The following RBFOX1 variants were observed in gnomAD, a reference collection of about 807,000 sequenced individuals.
RBFOX1 encodes the protein RNA binding protein fox-1 homolog 1.
In RBFOX1, 8 loss-of-function variants were observed where a neutral mutation model predicts 57.7. The observed-to-expected ratio is 0.14, with a 90% CI of 0.08 to 0.25. RBFOX1 has a LOEUF of 0.25. Ranked by LOEUF, RBFOX1 falls within the 10% of genes least tolerant of loss-of-function variation. The probability of loss-of-function intolerance (pLI) is 1.00; values close to 1 mark genes in which losing one functional copy is unlikely to be tolerated. For missense variants in RBFOX1, 611 were observed against 548.5 expected (o/e 1.11, Z -1.14); for synonymous variants, 326 against 222.4 (o/e 1.47, Z -4.15).
rs78283215 is a variant in RBFOX1, at chr16:7,071,229, A to G, written c.27+19131A>G. ...ATTATTCTAAAAGCTTTTATTGAGCATATACTACATACACCACTAGGAGAA... is the reference window on the plus strand; with the variant it reads ...ATTATTCTAAAAGCTTTTATTGAGCGTATACTACATACACCACTAGGAGAA... On this transcript the variant is annotated intron_variant, in intron 4 of 15. Transcript: ENST00000550418. Among the ~76,000 whole-genome samples the G allele has an allele frequency of 1.2e-4, 19 of 152,278 alleles. No individual in the cohort carries two copies. The East Asian group carries it at 3.7e-3, about 29-fold the overall frequency.
intron 4 of RBFOX1, among the ~76,000 whole-genome samples, chr16:7,124,439 T>C (rs1020271864): frequency 1.3e-5 from 2 of 151,910 alleles, no homozygotes; most frequent in Non-Finnish European, 2.9e-5. Flanking sequence ...GCTGATACAG[T>C]ATCTGTAATT....
chr16:6,316,676 C>G (rs1047415332), intron 1 of RBFOX1, among the ~76,000 whole-genome samples: 2 of 152,134 alleles, frequency 1.3e-5, no homozygotes, highest in African/African-American at 2.4e-5. Context: ...TTGGTGTTGA[C>G]TTGCCCGAGT....
intron 4 of RBFOX1, among the ~76,000 whole-genome samples, chr16:7,439,482 C>T (rs2098749019): frequency 6.6e-6 from 1 of 152,040 alleles, no homozygotes; most frequent in Non-Finnish European, 1.5e-5. Flanking sequence ...AATTTTTAAC[C>T]CAGAATTATC....
intron 3 of RBFOX1, among the ~76,000 whole-genome samples, chr16:7,039,080 C>T (rs1474653892): frequency 6.6e-6 from 1 of 152,078 alleles, no homozygotes; most frequent in Non-Finnish European, 1.5e-5. Context: ...GTTGTCCTGC[C>T]TGGGAGATAG....
chr16:6,000,677 G>T (rs555317093), intron 4 of RBFOX1, among the ~76,000 whole-genome samples: 106 of 151,942 alleles, frequency 7.0e-4, no homozygotes, highest in African/African-American at 2.4e-3. Context: ...AGATGAATGG[G>T]TGACTAGGTG....
intron 4 of RBFOX1, among the ~76,000 whole-genome samples, chr16:7,413,081 AAAAT>A (rs1384660022): frequency 3.3e-5 from 5 of 152,006 alleles, no homozygotes; most frequent in Non-Finnish European, 7.4e-5. Flanking sequence ...AATAAAATAA[AAAAT>A]AAAAAAATAA....
intron 2 of RBFOX1, among the ~76,000 whole-genome samples, chr16:5,477,235 T>C (rs2069359042): frequency 6.6e-6 from 1 of 152,124 alleles, no homozygotes; most frequent in African/African-American, 2.4e-5. Context: ...AGGCTGAAGA[T>C]ATTTTTGGTG....
At chr16:7,287,755 A>C (rs2095678782) in intron 4 of RBFOX1, among the ~76,000 whole-genome samples, 1 of 152,220 alleles carries the variant, frequency 6.6e-6, no homozygotes, top group African/African-American at 2.4e-5. Flanking sequence ...TTAGATTTAG[A>C]AAGAGATAAA....
At chr16:7,080,803 A>G (rs2059074219) in intron 4 of RBFOX1, among the ~76,000 whole-genome samples, 1 of 152,124 alleles carries the variant, frequency 6.6e-6, no homozygotes, top group Non-Finnish European at 1.5e-5. Context: ...GACCACAACA[A>G]ACTCTTGACT....
chr16:6,638,075 C>T (rs1417991183), intron 2 of RBFOX1, among the ~76,000 whole-genome samples: 1 of 152,092 alleles, frequency 6.6e-6, no homozygotes, highest in Non-Finnish European at 1.5e-5. Flanking sequence ...CACTCTCTCC[C>T]AACAAAATAT....
chr16:6,599,889 A>G (rs1407726205), intron 2 of RBFOX1, among the ~76,000 whole-genome samples: 2 of 152,250 alleles, frequency 1.3e-5, no homozygotes, highest in African/African-American at 2.4e-5. Flanking sequence ...AGCACCCTGC[A>G]CATAGTAAAT....
intron 3 of RBFOX1, among the ~76,000 whole-genome samples, chr16:5,733,028 C>T (rs1273711489): frequency 1.3e-5 from 2 of 152,066 alleles, no homozygotes; most frequent in African/African-American, 2.4e-5. Flanking sequence ...TTTGAAAACT[C>T]ATCAAACCCT....
At chr16:6,234,346 C>T (rs925632548) in intron 1 of RBFOX1, among the ~76,000 whole-genome samples, 1 of 152,172 alleles carries the variant, frequency 6.6e-6, no homozygotes, top group Admixed American at 6.5e-5. Context: ...TGTAAATTTA[C>T]ATTTGTTTAT....
chr16:6,229,798 T>C (rs2097444957), intron 1 of RBFOX1, among the ~76,000 whole-genome samples: 1 of 152,144 alleles, frequency 6.6e-6, no homozygotes, highest in South Asian at 2.1e-4. Flanking sequence ...TAGTTATAAA[T>C]ATAGAATACA....
intron 1 of RBFOX1, among the ~76,000 whole-genome samples, chr16:6,027,434 T>C (rs183303211): frequency 6.6e-6 from 1 of 152,194 alleles, no homozygotes; most frequent in Non-Finnish European, 1.5e-5. Flanking sequence ...GGTATTTCAC[T>C]GAGATTCCAG....
chr16:5,867,003 G>C (rs2057357643), intron 3 of RBFOX1, among the ~76,000 whole-genome samples: 2 of 152,148 alleles, frequency 1.3e-5, no homozygotes, highest in South Asian at 4.1e-4. Flanking sequence ...ATCATTATCA[G>C]TACATGGACA....
chr16:6,998,745 C>G (rs1015327645), intron 3 of RBFOX1, among the ~76,000 whole-genome samples: 1 of 152,102 alleles, frequency 6.6e-6, no homozygotes, highest in East Asian at 1.9e-4. Context: ...ATATATCAGG[C>G]TCTCTTGAGA....
intron 11 of RBFOX1, among the ~76,000 whole-genome samples, chr16:7,653,568 G>GCAAATGTTTGTCAGTCACCACATTCTC (rs2065580653): frequency 6.6e-6 from 1 of 152,178 alleles, no homozygotes; most frequent in Non-Finnish European, 1.5e-5. Flanking sequence ...AGAATTATTT[G>GCAAATGTTTGTCAGTCACCACATTCTC]CAAATGTTTG....
intron 4 of RBFOX1, among the ~76,000 whole-genome samples, chr16:7,298,402 C>A (rs558884871): frequency 1.3e-5 from 2 of 149,512 alleles, no homozygotes; most frequent in Non-Finnish European, 3.0e-5. Flanking sequence ...GATTCTCATG[C>A]GTCTGCCTCC....
Sources: allele counts gnomAD v4.1 joint callset (sites outside exome capture counted in the v4.1 genomes callset), GRCh38; gene constraint gnomAD v4.1.1; transcripts MANE v1.5; gene names NCBI Gene and HGNC (gene_info 2026-07-23, HGNC 2026-07-21).